Variants in CD58 observed in about 807,000 individuals in gnomAD.
The protein encoded by CD58 is CD58 molecule, also known as lymphocyte function-associated antigen 3.
CD58 carries 14 observed loss-of-function variants against 27.6 expected under a neutral mutation model. The observed-to-expected ratio is 0.51, with a 90% CI of 0.34 to 0.79. CD58 has a LOEUF of 0.79. Among genes scored for constraint, CD58 ranks in the 30% least tolerant of loss-of-function variants. The pLI is 0.02. For missense variants in CD58, 268 were observed against 301.7 expected (o/e 0.89, Z 0.83); for synonymous variants, 117 against 103.8 (o/e 1.13, Z -0.77).
chr1:116,529,256 G>A (rs906709958), intron 3 of CD58, among the ~76,000 whole-genome samples: 1 of 152,130 alleles, frequency 6.6e-6, no homozygotes, highest in African/African-American at 2.4e-5. Context: ...CCAGCTTTCT[G>A]ACCTTGAGAT....
chr1:116,556,005 C>T (rs548463828), intron 1 of CD58, among the ~76,000 whole-genome samples: 1 of 152,218 alleles, frequency 6.6e-6, no homozygotes, highest in South Asian at 2.1e-4. Context: ...CCTGTAATCC[C>T]AGCACTTTGG....
rs974791320 is a variant in CD58, at chr1:116,527,582, T to C, written c.629-5599A>G. On this transcript the variant is annotated intron_variant, in intron 3 of 5. Transcript: ENST00000369489. This position sits in a 1 kb window ranked among gnomAD's most constrained non-coding sequence, Gnocchi z 4.4. Reference sequence around the variant, plus strand: ...TATGCTGTTGGATCCAATTTGCTAATATTTTGTTTAAGGTTTCTACATGTA... The same window carrying C: ...TATGCTGTTGGATCCAATTTGCTAACATTTTGTTTAAGGTTTCTACATGTA... Among the ~76,000 whole-genome samples the C allele has an allele frequency of 4.6e-5, 7 of 152,210 alleles. No individual in the cohort carries two copies. Among genetic ancestry groups the C allele is most frequent in the African/African-American group, 1.4e-4 (6 of 41,436 alleles).
intron 1 of CD58, among the ~76,000 whole-genome samples, chr1:116,568,211 T>C (rs1283842396): frequency 6.6e-6 from 1 of 152,176 alleles, no homozygotes; most frequent in Non-Finnish European, 1.5e-5. Context: ...GATGATTCTG[T>C]GACTTGTTGG....
chr1:116,567,337 T>C (rs1171546833), intron 1 of CD58, among the ~76,000 whole-genome samples: 1 of 150,370 alleles, frequency 6.7e-6, no homozygotes, highest in Non-Finnish European at 1.5e-5. Flanking sequence ...AAAATTACCA[T>C]TTGAAAATAT....
At chr1:116,518,679 A>C (rs879248002) in intron 5 of CD58, 1 of 986,932 alleles carries the variant, frequency 1.0e-6, no homozygotes. Context: ...ATCTGCCAGG[A>C]GGGGGCCTCT....
rs3789717 is a variant in CD58 at position 116,531,974 on chromosome 1, A to T, written c.628+3991T>A. On this transcript the variant is annotated intron_variant, in intron 3 of 5. Coordinates refer to ENST00000369489, the MANE Select transcript of CD58 (RefSeq NM_001779.3). The surrounding 1 kb of genome is among the most constrained non-coding windows in gnomAD (Gnocchi z 4.5). ...GTCACACCAACCAGGACCTTCAGAC[A>T]GGATGAATGGTGGGGCCCAGCAATG... is the stretch of plus-strand genomic sequence containing the variant. 0.083 allele frequency among the ~76,000 whole-genome samples: 12,603 copies of T among 152,308 alleles called. 1,236 individuals carry two copies. Among genetic ancestry groups the T allele is most frequent in the East Asian group, 0.53 (2,728 of 5,176 alleles).
intron 1 of CD58, among the ~76,000 whole-genome samples, chr1:116,549,731 A>C (rs1658325529): frequency 6.6e-6 from 1 of 152,214 alleles, no homozygotes; most frequent in Non-Finnish European, 1.5e-5. Flanking sequence ...CCAGTTCTAT[A>C]ATCTACATTA....
intron 1 of CD58, among the ~76,000 whole-genome samples, chr1:116,568,867 G>C (rs1218609835): frequency 6.6e-6 from 1 of 152,236 alleles, no homozygotes; most frequent in Non-Finnish European, 1.5e-5. Flanking sequence ...CCCCAGAGCT[G>C]ATGCTGTTAA....
Position 116,570,624 on chromosome 1 carries a change from CG to C in CD58, c.70+278del, listed in dbSNP as rs957128208. Reference sequence around the variant, plus strand: ...TCACTGGAGCTCGGGAGGGGGCCGGCGGGGGGGCGCAGGCCCCGCAGGAGAG... The same window carrying C: ...TCACTGGAGCTCGGGAGGGGGCCGGCGGGGGGCGCAGGCCCCGCAGGAGAG... On this transcript the variant is annotated intron_variant, in intron 1 of 5. Transcript: ENST00000369489. This position sits in a 1 kb window ranked among gnomAD's most constrained non-coding sequence, Gnocchi z 6.4. Among the ~76,000 whole-genome samples the C allele has an allele frequency of 2.0e-5, 3 of 151,728 alleles. No homozygotes were observed. The highest frequency in any genetic ancestry group is 4.4e-5 in the Non-Finnish European group (3 of 67,890).
At chr1:116,543,517 T>G (rs1456162679) in intron 2 of CD58, among the ~76,000 whole-genome samples, 1 of 150,568 alleles carries the variant, frequency 6.6e-6, no homozygotes, top group African/African-American at 2.4e-5. Flanking sequence ...AACACTGGCA[T>G]GTGAGGCAGG....
At position 116,519,917 on chromosome 1, in the gene CD58, C is replaced by A. The variant is rs1657214794; in HGVS notation, c.707-650G>T. 6.6e-6 allele frequency among the ~76,000 whole-genome samples: 1 copy of A among 152,188 alleles called. No homozygotes were observed. Among genetic ancestry groups the A allele is most frequent in the African/African-American group, 2.4e-5 (1 of 41,434 alleles). ...TCACTTTCCTGCCCACAGTAGGCATCCGCCTGACCCTAGAACTATGCTAGT... is the reference window on the plus strand; with the variant it reads ...TCACTTTCCTGCCCACAGTAGGCATACGCCTGACCCTAGAACTATGCTAGT... On this transcript the variant is annotated intron_variant, in intron 4 of 5. Coordinates refer to ENST00000369489, the MANE Select transcript of CD58 (RefSeq NM_001779.3). The surrounding 1 kb of genome is among the most constrained non-coding windows in gnomAD (Gnocchi z 4.7).
At position 116,552,661 on chromosome 1, in the gene CD58, T is replaced by C. The variant is rs994672131; in HGVS notation, c.71-8057A>G. 1.3e-5 allele frequency among the ~76,000 whole-genome samples: 2 copies of C among 152,222 alleles called. No homozygotes were observed. Among genetic ancestry groups the C allele is most frequent in the African/African-American group, 4.8e-5 (2 of 41,456 alleles). ...TCCTTGAAATCAACTGGTATAGCTA[T>C]ACTTTATTCTTTTTAATAACTACAT... On this transcript the variant is annotated intron_variant, in intron 1 of 5. Transcript: ENST00000369489. The surrounding 1 kb of genome is among the most constrained non-coding windows in gnomAD (Gnocchi z 4.5).
At chr1:116,544,683 C>T in intron 1 of CD58, 79 bp from the exon 2 acceptor site, 1 of 947,184 alleles carries the variant, frequency 1.1e-6, no homozygotes, top group Admixed American at 2.7e-5. Context: ...ACTTTTTGTG[C>T]TAAGCTGACA....
rs1386271174 is a variant in CD58 at position 116,516,368 on chromosome 1, C to T, written c.744-1546G>A. Among the ~76,000 whole-genome samples, 1 of 152,204 alleles carries T rather than the reference C, an allele frequency of 6.6e-6. No homozygotes were observed. The highest frequency in any genetic ancestry group is 1.5e-5 in the Non-Finnish European group (1 of 68,040). ...TCTCTCAATCTCAGCCCCAAATACTCAGGTCTCTCCCTAGAATGCCACCTT... is the reference window on the plus strand; with the variant it reads ...TCTCTCAATCTCAGCCCCAAATACTTAGGTCTCTCCCTAGAATGCCACCTT... On this transcript the variant is annotated intron_variant, in intron 5 of 5. Coordinates refer to ENST00000369489, the MANE Select transcript of CD58 (RefSeq NM_001779.3). The surrounding 1 kb of genome is among the most constrained non-coding windows in gnomAD (Gnocchi z 6.1).
Position 116,570,529 on chromosome 1 carries a change from G to A in CD58, c.70+374C>T, listed in dbSNP as rs1659106385. On this transcript the variant is annotated intron_variant, in intron 1 of 5. Transcript: ENST00000369489. This position sits in a 1 kb window ranked among gnomAD's most constrained non-coding sequence, Gnocchi z 6.4. ...GCTCCCCGTCCCGGGCGCGTTCACG[G>A]CTGGGAAAAATTTTGCAGTCCGCTG... is the stretch of plus-strand genomic sequence containing the variant. Among the ~76,000 whole-genome samples the A allele has an allele frequency of 6.6e-6, 1 of 151,968 alleles. No individual in the cohort carries two copies. The highest frequency in any genetic ancestry group is 6.5e-5 in the Admixed American group (1 of 15,282).
chr1:116,529,934 A>G (rs1189811955), intron 3 of CD58, among the ~76,000 whole-genome samples: 2 of 152,230 alleles, frequency 1.3e-5, no homozygotes, highest in African/African-American at 2.4e-5. Flanking sequence ...ACTAGACAAA[A>G]TGTTACAAGA....
intron 3 of CD58, among the ~76,000 whole-genome samples, chr1:116,525,330 G>A (rs1657395802): frequency 6.6e-6 from 1 of 152,150 alleles, no homozygotes; most frequent in African/African-American, 2.4e-5. Context: ...CTTATAATAT[G>A]CATTTAAGTT....
intron 5 of CD58, chr1:116,518,928 C>T (rs1657170481): frequency 1.0e-6 from 1 of 1,004,450 alleles, no homozygotes; most frequent in Non-Finnish European, 1.3e-6. Context: ...AGCAACGTGA[C>T]TTTGATATCT....
rs774492660 is a variant in CD58 at position 116,536,220 on chromosome 1, G to A, written c.373C>T (p.Pro125Ser). 3 of 1,605,358 alleles carry A rather than the reference G, an allele frequency of 1.9e-6. No homozygotes were observed. The highest frequency in any genetic ancestry group is 2.6e-6 in the Non-Finnish European group (3 of 1,173,982). Reference sequence around the variant, plus strand: ...AATGCACAAGTTAGTGTGGGAGATGGAAGAGACTCTGGAAAAAAAAGTATA... The same window carrying A: ...AATGCACAAGTTAGTGTGGGAGATGAAAGAGACTCTGGAAAAAAAAGTATA... ...KFFLYVLESL[P>S]SPTLTCALTN... The change falls in exon 3 of 6, where the codon CCA (proline) becomes TCA (serine). Residue 125 changes from proline to serine, a missense_variant. Transcript: ENST00000369489. This position sits in a 1 kb window ranked among gnomAD's most constrained non-coding sequence, Gnocchi z 5.4.
Sources: allele counts gnomAD v4.1 joint callset (sites outside exome capture counted in the v4.1 genomes callset), GRCh38; gene constraint gnomAD v4.1.1; non-coding constraint Gnocchi (gnomAD v3.1); transcripts MANE v1.5; gene names NCBI Gene and HGNC (gene_info 2026-07-23, HGNC 2026-07-21).